The following CST3 variants were observed in gnomAD, a reference collection of about 807,000 sequenced individuals.
CST3 encodes cystatin C, also known as cystatin-C.
Under a neutral mutation model 9.0 loss-of-function variants are expected in CST3, and 14 were observed. The observed-to-expected ratio is 1.56, with a 90% CI of 1.03 to 2.44. The LOEUF is 2.44. CST3 is among the 30% of genes most tolerant of loss of function. CST3 has a pLI of 0.00. For synonymous variants in CST3, 96 were observed against 90.2 expected (o/e 1.06, Z -0.37); for missense variants, 237 against 204.3 (o/e 1.16, Z -0.98).
chr20:23,633,763 A>C lies in CST3; in HGVS notation c.*153T>G, dbSNP rs569686274. ...AGGGCAGAGCCCCTTGCTGAGCAAC[A>C]AAGGCCGCCTGCTGCCTTCTCTGTC... On this transcript the variant is annotated 3_prime_UTR_variant, in exon 3 of 3. Coordinates refer to ENST00000376925, the MANE Select transcript of CST3 (RefSeq NM_000099.4). The C allele has an allele frequency of 1.7e-4, 125 of 732,038 alleles. No homozygotes were observed. In the East Asian group the frequency reaches 3.2e-3, roughly 19 times the overall value. The allele number at this position is 732,038 out of a possible 1,614,324, so 45.3% of individuals were successfully genotyped here. A position where few individuals can be genotyped will look rare whatever the true frequency, so the allele number is the denominator to read the frequency against.
chr20:23,634,924 C>A (rs1979600756), intron 2 of CST3, among the ~76,000 whole-genome samples: 2 of 151,826 alleles, frequency 1.3e-5, no homozygotes, highest in African/African-American at 4.8e-5. Flanking sequence ...CCTCATAATA[C>A]AGCATGTATG....
downstream of CST3, among the ~76,000 whole-genome samples, chr20:23,632,592 AG>A (rs1979489739): frequency 6.6e-6 from 1 of 152,184 alleles, no homozygotes; most frequent in South Asian, 2.1e-4. Context: ...CTGACTTTGC[AG>A]GGACAGCATG....
Position 23,633,714 on chromosome 20 carries a change from A to G in CST3, c.*202T>C, listed in dbSNP as rs944627589. 7.7e-5 allele frequency: 51 copies of G among 665,398 alleles called. No homozygotes were observed. In the South Asian group the frequency reaches 8.3e-4, roughly 11 times the overall value. 41.2% of individuals were successfully genotyped at this position (665,398 alleles called of 1,614,324 possible). Reference sequence around the variant, plus strand: ...GGTGTATGCACCGCACACCGGGGCTATGAGAAGCAAGAAGGAAGGAGGGAG... The same window carrying G: ...GGTGTATGCACCGCACACCGGGGCTGTGAGAAGCAAGAAGGAAGGAGGGAG... On this transcript the variant is annotated 3_prime_UTR_variant, in exon 3 of 3. Transcript: ENST00000376925.
downstream of CST3, among the ~76,000 whole-genome samples, chr20:23,629,864 G>A (rs1487203085): frequency 6.6e-6 from 1 of 152,164 alleles, no homozygotes; most frequent in Non-Finnish European, 1.5e-5. Flanking sequence ...CCACAGGGCA[G>A]GAGGTGATTT....
rs1301112419 is a variant in CST3 at position 23,633,774 on chromosome 20, G to C, written c.*142C>G. 6.6e-6 allele frequency: 5 copies of C among 758,030 alleles called. No individual in the cohort carries two copies. Among genetic ancestry groups the C allele is most frequent in the African/African-American group, 5.1e-5 (3 of 58,638 alleles). The allele number at this position is 758,030 out of a possible 1,614,324, so 47.0% of individuals were successfully genotyped here. A position where few individuals can be genotyped will look rare whatever the true frequency, so the allele number is the denominator to read the frequency against. ...CCTTGCTGAGCAACAAAGGCCGCCT[G>C]CTGCCTTCTCTGTCTGTCTCCTGGT... On this transcript the variant is annotated 3_prime_UTR_variant, in exon 3 of 3. Coordinates refer to ENST00000376925, the MANE Select transcript of CST3 (RefSeq NM_000099.4).
chr20:23,630,143 G>T (rs1439688491), downstream of CST3, among the ~76,000 whole-genome samples: 7 of 152,214 alleles, frequency 4.6e-5, no homozygotes, highest in African/African-American at 1.7e-4. Context: ...AGCAATGGGA[G>T]GAGTATTTAA....
rs117399556 is a variant in CST3, at chr20:23,636,507, C to G, written c.243+1113G>C. 2.2e-4 allele frequency among the ~76,000 whole-genome samples: 33 copies of G among 152,318 alleles called. No individual in the cohort carries two copies. The East Asian group carries it at 6.4e-3, about 29-fold the overall frequency. Reference sequence around the variant, plus strand: ...GCCCTGGGATGTAGGGGGTGGTCAGCCGGCCTGAGGGTGAAGGCCGCTAGT... The same window carrying G: ...GCCCTGGGATGTAGGGGGTGGTCAGGCGGCCTGAGGGTGAAGGCCGCTAGT... On this transcript the variant is annotated intron_variant, in intron 1 of 2. Coordinates refer to ENST00000376925, the MANE Select transcript of CST3 (RefSeq NM_000099.4).
chr20:23,629,069 C>A (rs1979352816), downstream of CST3: 1 of 152,218 alleles, frequency 6.6e-6, no homozygotes, highest in Non-Finnish European at 1.5e-5. Context: ...GGCAGCCACA[C>A]ATAGGTCACG....
At chr20:23,634,377 C>A (rs547324462) in intron 2 of CST3, among the ~76,000 whole-genome samples, 1 of 152,234 alleles carries the variant, frequency 6.6e-6, no homozygotes, top group South Asian at 2.1e-4. Context: ...CTATGAAGGG[C>A]GAGAGGGAAG....
At chr20:23,628,046 T>C (rs545639442) in exon 4 of CST3, 3 of 152,256 alleles carry the variant, frequency 2.0e-5, no homozygotes, top group Admixed American at 2.0e-4. Flanking sequence ...TTTCCTATCA[T>C]GTGTGTTGTT....
chr20:23,636,889 A>G (rs913668229), intron 1 of CST3, among the ~76,000 whole-genome samples: 2 of 152,256 alleles, frequency 1.3e-5, no homozygotes, highest in African/African-American at 4.8e-5. Flanking sequence ...GCATTAGATC[A>G]TGAATGTGTC....
In CST3 at chr20:23,637,769, G is replaced by A. The variant is rs1006800919; in HGVS notation, c.94C>T (p.Pro32Ser). ...SPAAGSSPGKPPRLVGGPMDA... is the reference protein window; with the variant it reads ...SPAAGSSPGKSPRLVGGPMDA... Reference sequence around the variant, plus strand: ...ATGGGGCCTCCCACTAGGCGCGGCGGCTTGCCGGGACTGGAGCCGGCCGCG... The same window carrying A: ...ATGGGGCCTCCCACTAGGCGCGGCGACTTGCCGGGACTGGAGCCGGCCGCG... Residue 32 changes from proline (P) to serine (S), a missense_variant, in exon 1 of 3, where the codon CCG becomes TCG. Coordinates refer to ENST00000376925, the MANE Select transcript of CST3 (RefSeq NM_000099.4). 3.9e-6 allele frequency: 6 copies of A among 1,529,020 alleles called. No homozygotes were observed. The highest frequency in any genetic ancestry group is 2.6e-5 in the East Asian group (1 of 38,166). 94.7% of individuals were successfully genotyped at this position (1,529,020 alleles called of 1,614,324 possible). A position where few individuals can be genotyped will look rare whatever the true frequency, so the allele number is the denominator to read the frequency against.
chr20:23,629,887 G>A (rs138394139), downstream of CST3, among the ~76,000 whole-genome samples: 526 of 152,248 alleles, frequency 3.5e-3, 2 homozygotes, highest in Non-Finnish European at 6.6e-3. Flanking sequence ...TGAAATCACC[G>A]ACAAATTTCA....
chr20:23,637,094 C>T (rs187728149), intron 1 of CST3, among the ~76,000 whole-genome samples: 1 of 152,352 alleles, frequency 6.6e-6, no homozygotes, highest in African/African-American at 2.4e-5. Context: ...TCTGTGCTAA[C>T]ATCTGAGGGA....
At chr20:23,629,435 C>A (rs1330185917), downstream of CST3, 1 of 152,238 alleles carries the variant, frequency 6.6e-6, no homozygotes, top group Non-Finnish European at 1.5e-5. Flanking sequence ...TCAGGAAAGG[C>A]AGCATTTTCC....
rs748094050 is a variant in CST3, at chr20:23,637,715, G to A, written c.148C>T (p.Arg50Trp). 8 of 1,544,512 alleles carry A rather than the reference G, an allele frequency of 5.2e-6. No homozygotes were observed. Among genetic ancestry groups the A allele is most frequent in the South Asian group, 2.4e-5 (2 of 83,148 alleles). ...MDASVEEEGV[R>W]RALDFAVGEY... ...CCGACGGCAAAGTCCAGTGCACGCC[G>A]CACACCCTCCTCCTCCACGCTGGCG... The change falls in exon 1 of 3, where the codon CGG (arginine) becomes TGG (tryptophan). Residue 50 changes from arginine (R) to tryptophan (W), a missense_variant. Transcript: ENST00000376925.
chr20:23,633,045 G>A (rs1339319752), downstream of CST3, among the ~76,000 whole-genome samples: 1 of 152,182 alleles, frequency 6.6e-6, no homozygotes, highest in Non-Finnish European at 1.5e-5. Context: ...GGAGGACACA[G>A]CCTCCCAGGA....
chr20:23,633,477 C>G (rs1979526175), downstream of CST3, among the ~76,000 whole-genome samples: 1 of 152,202 alleles, frequency 6.6e-6, no homozygotes, highest in Non-Finnish European at 1.5e-5. Context: ...CCTGGCTGCT[C>G]TCCCTGCTCT....
downstream of CST3, among the ~76,000 whole-genome samples, chr20:23,633,422 C>T (rs983760849): frequency 6.6e-6 from 1 of 152,168 alleles, no homozygotes; most frequent in Non-Finnish European, 1.5e-5. Flanking sequence ...TCTCCCTGAC[C>T]CCCTCACCAG....
Sources: gnomAD v4.1 joint callset for allele counts (sites outside exome capture counted in the v4.1 genomes callset) on GRCh38, gnomAD v4.1.1 for gene constraint, MANE v1.5 for transcripts, NCBI Gene and HGNC (gene_info 2026-07-23, HGNC 2026-07-21) for gene names.